Variants in WDR27 observed in about 807,000 individuals in gnomAD.
The protein encoded by WDR27 is WD repeat domain 27.
A neutral mutation model predicts 114.4 loss-of-function variants in WDR27; 100 were observed. The ratio of observed to expected loss-of-function variants is 0.87; its 90% CI spans 0.74 to 1.03. The LOEUF (loss-of-function observed/expected upper bound fraction) is 1.03, where lower values mean the gene tolerates loss of function less well. Among genes scored for constraint, WDR27 ranks in the 50% least tolerant of loss-of-function variants. WDR27 has a pLI of 0.00. For synonymous variants in WDR27, 449 were observed against 423.1 expected, an observed-to-expected ratio of 1.06 and a Z score of -0.75; for missense variants, 1,129 against 1,092.9, an observed-to-expected ratio of 1.03 and a Z score of -0.47.
chr6:169,430,655 G>A, the WDR27 span, among the ~76,000 whole-genome samples: 19 of 152,346 alleles, frequency 1.2e-4, no homozygotes, highest in South Asian at 8.3e-4. Flanking sequence ...ACTTTCAAAC[G>A]AGGCTCCACT....
rs200589689 is a variant in WDR27 at position 169,659,219 on chromosome 6, C to T, written c.1198-12G>A. On this transcript the variant is annotated splice_polypyrimidine_tract_variant and intron_variant, in intron 11 of 25. Coordinates refer to ENST00000448612, the MANE Select transcript of WDR27 (RefSeq NM_182552.5). The surrounding 1 kb of genome is among the most constrained non-coding windows in gnomAD (Gnocchi z 4.3). ...AGCAAGCACAGCACCTGCAGGGACG[C>T]GGTTTCAACATCGTTAGCGACACCA... 1.9e-5 allele frequency: 30 copies of T among 1,584,628 alleles called. No homozygotes were observed. The highest frequency in any genetic ancestry group is 1.1e-4 in the East Asian group (5 of 44,648).
At chr6:169,560,984 T>A (rs1799598023) in intron 25 of WDR27, among the ~76,000 whole-genome samples, 3 of 152,164 alleles carry the variant, frequency 2.0e-5, no homozygotes. Context: ...TAAATATTTT[T>A]AAGAGGTAAC....
intron 24 of WDR27, among the ~76,000 whole-genome samples, chr6:169,577,155 G>C (rs987844510): frequency 4.6e-4 from 70 of 151,874 alleles, no homozygotes; most frequent in African/African-American, 7.3e-5. Context: ...AGACCCCTGC[G>C]CCCACGGAAA....
intron 22 of WDR27, 97 bp downstream of exon 22, chr6:169,613,462 T>A (rs1811082298): frequency 1.9e-6 from 2 of 1,033,434 alleles, no homozygotes. Flanking sequence ...TGTGCACAGA[T>A]TAACCACAAC....
At chr6:169,685,803 G>A (rs1304299254) in intron 2 of WDR27, among the ~76,000 whole-genome samples, 1 of 152,176 alleles carries the variant, frequency 6.6e-6, no homozygotes, top group African/African-American at 2.4e-5. Context: ...AATCATAGCA[G>A]AGAACGTCTC....
At position 169,667,963 on chromosome 6, in the gene WDR27, T is replaced by C. The variant is rs530347048; in HGVS notation, c.660+19A>G. ...CAGCACGTGCCACGCGGGAACGCCA[T>C]CCAGCGTCCATCCCTCACCTTAAAG... On this transcript the variant is annotated intron_variant, in intron 5 of 25. Transcript: ENST00000448612. 3.1e-6 allele frequency: 5 copies of C among 1,604,242 alleles called. No homozygotes were observed. Among genetic ancestry groups the C allele is most frequent in the South Asian group, 2.2e-5 (2 of 90,024 alleles).
At position 169,464,580 on chromosome 6, in the gene WDR27, A is replaced by C. The variant is rs1785311588; in HGVS notation, c.2646-6946T>G. ...ATAAAAAGGTACTATTAAAAGAGTG[A>C]AATAGCATCCACAGAATTTAAGAAA... On this transcript the variant is annotated intron_variant, in intron 25 of 25. Coordinates refer to ENST00000448612, the MANE Select transcript of WDR27 (RefSeq NM_182552.5). 4.6e-5 allele frequency among the ~76,000 whole-genome samples: 7 copies of C among 152,360 alleles called. No individual in the cohort carries two copies. The South Asian group carries it at 1.2e-3, about 27-fold the overall frequency.
At position 169,526,103 on chromosome 6, in the gene WDR27, GA is replaced by G. The variant is rs948554524; in HGVS notation, c.2645+46315del. Among the ~76,000 whole-genome samples the G allele has an allele frequency of 1.5e-3, 230 of 152,272 alleles. 1 individual carries two copies. Among genetic ancestry groups the G allele is most frequent in the African/African-American group, 5.3e-3 (219 of 41,550 alleles). ...GCTGAGAAGGGCAGGGGAATGATGA[GA>G]AATCAATTAACGGGCACAAATGTAC... is the stretch of plus-strand genomic sequence containing the variant. On this transcript the variant is annotated intron_variant, in intron 25 of 25. Transcript: ENST00000448612.
chr6:169,456,697 G>T (rs1313084033), downstream of WDR27, among the ~76,000 whole-genome samples: 1 of 152,126 alleles, frequency 6.6e-6, no homozygotes, highest in Non-Finnish European at 1.5e-5. The surrounding 1 kb of genome is among the most constrained non-coding windows in gnomAD (Gnocchi z 4.0). Context: ...CAGAGACAAA[G>T]GTCCTGGGAC....
intron 25 of WDR27, among the ~76,000 whole-genome samples, chr6:169,547,110 A>G (rs1584120424): frequency 2.0e-5 from 3 of 152,312 alleles, no homozygotes; most frequent in South Asian, 2.1e-4. Context: ...GAAAGACACA[A>G]TATGCCAAAA....
At chr6:169,501,212 G>A (rs1240665598) in intron 25 of WDR27, among the ~76,000 whole-genome samples, 1 of 152,240 alleles carries the variant, frequency 6.6e-6, no homozygotes, top group South Asian at 2.1e-4. Context: ...GGCTGGAGAT[G>A]AGACGAACCC....
At chr6:169,546,932 G>A (rs1797526441) in intron 25 of WDR27, among the ~76,000 whole-genome samples, 1 of 151,934 alleles carries the variant, frequency 6.6e-6, no homozygotes, top group Admixed American at 6.6e-5. Context: ...GTGAAAGTGG[G>A]GAGATAGCCA....
At chr6:169,524,384 C>G (rs1030152874) in intron 25 of WDR27, among the ~76,000 whole-genome samples, 1 of 152,192 alleles carries the variant, frequency 6.6e-6, no homozygotes, top group Non-Finnish European at 1.5e-5. Flanking sequence ...CAATGCAATT[C>G]CTATTAAAAT....
At chr6:169,538,679 T>C (rs571011220) in intron 25 of WDR27, among the ~76,000 whole-genome samples, 40 of 149,292 alleles carry the variant, frequency 2.7e-4, no homozygotes, top group African/African-American at 9.4e-4. Flanking sequence ...GCCTGCAACA[T>C]AGTCAAGCCT....
chr6:169,615,273 T>C (rs892981860), intron 21 of WDR27, among the ~76,000 whole-genome samples: 8 of 152,290 alleles, frequency 5.3e-5, no homozygotes, highest in African/African-American at 1.9e-4. Context: ...GGGTTTGTTA[T>C]ATAAGTAAAC....
intron 23 of WDR27, among the ~76,000 whole-genome samples, chr6:169,591,498 A>G (rs1339368320): frequency 1.3e-5 from 2 of 152,216 alleles, no homozygotes; most frequent in Non-Finnish European, 2.9e-5. Flanking sequence ...AAAGGCAGAC[A>G]AATGTTTAAT....
At position 169,672,290 on chromosome 6, in the gene WDR27, C is replaced by T; in HGVS notation, c.296G>A (p.Trp99Ter). Residue 99 changes from tryptophan (W) to a stop codon, truncating the protein, a stop_gained, in exon 3 of 26, where the codon TGG (tryptophan) becomes TAG (stop). Transcript: ENST00000448612. LOFTEE classifies it high-confidence loss of function. ...TTTCTCTCTACATTCATCCAGGTTC[C>T]ACATTATAACATAATCCAGTGATGC... ...CSASLDYVIM[W>*]NLDECREKVL... 6.2e-7 allele frequency: 1 copy of T among 1,613,560 alleles called. No individual in the cohort carries two copies. Among genetic ancestry groups the T allele is most frequent in the Non-Finnish European group, 8.5e-7 (1 of 1,179,678 alleles).
intron 24 of WDR27, among the ~76,000 whole-genome samples, chr6:169,575,913 A>G (rs527436810): frequency 1.3e-5 from 2 of 152,364 alleles, no homozygotes; most frequent in African/African-American, 4.8e-5. Context: ...GTGAAGGGAT[A>G]ACGTGTATCT....
At chr6:169,629,691 C>T (rs1193404687) in intron 21 of WDR27, among the ~76,000 whole-genome samples, 1 of 152,014 alleles carries the variant, frequency 6.6e-6, no homozygotes, top group East Asian at 1.9e-4. Context: ...CTTTGGGAGG[C>T]CGAGACAGGC....
Sources: gnomAD v4.1 joint callset for allele counts (sites outside exome capture counted in the v4.1 genomes callset) on GRCh38, gnomAD v4.1.1 for gene constraint, Gnocchi (gnomAD v3.1) non-coding constraint, MANE v1.5 for transcripts, NCBI Gene and HGNC (gene_info 2026-07-23, HGNC 2026-07-21) for gene names.